Variants in HDAC9 observed in about 807,000 individuals in gnomAD.
HDAC9 encodes the protein histone deacetylase 9.
In HDAC9, 41 loss-of-function variants were observed where a neutral mutation model predicts 139.4. The observed-to-expected ratio is 0.29, with a 90% confidence interval of 0.23 to 0.38. The LOEUF is 0.38. Ranked by LOEUF, HDAC9 falls within the 10% of genes least tolerant of loss-of-function variation. The pLI is 1.00. For synonymous variants in HDAC9, 517 were observed against 476.2 expected, an observed-to-expected ratio of 1.09 and a Z score of -1.12; for missense variants, 1,147 against 1,297.0, an observed-to-expected ratio of 0.88 and a Z score of 1.78.
At chr7:18,782,355 A>G (rs1791316636) in intron 16 of HDAC9, among the ~76,000 whole-genome samples, 1 of 152,142 alleles carries the variant, frequency 6.6e-6, no homozygotes, top group South Asian at 2.1e-4. Flanking sequence ...TAGATTATAC[A>G]AAGGAGACTG....
intron 6 of HDAC9, among the ~76,000 whole-genome samples, chr7:18,598,769 T>A (rs1181291592): frequency 6.6e-6 from 1 of 152,206 alleles, no homozygotes; most frequent in Non-Finnish European, 1.5e-5. Flanking sequence ...ACCAAACTAA[T>A]AAAAAGGTGA....
At position 18,665,242 on chromosome 7, in the gene HDAC9, G is replaced by A. The variant is rs113427539; in HGVS notation, c.1468-971G>A. Among the ~76,000 whole-genome samples, 40 of 152,218 alleles carry A rather than the reference G, an allele frequency of 2.6e-4. 2 individuals are homozygous for A. Among genetic ancestry groups the A allele is most frequent in the African/African-American group, 9.6e-4 (40 of 41,544 alleles). On this transcript the variant is annotated intron_variant, in intron 11 of 25. Coordinates refer to ENST00000686413, the MANE Select transcript of HDAC9 (RefSeq NM_178425.4). ...CAATAATTGGCATGTTGCTTACATA[G>A]GCACTGACTTAGCAGAAAACTTAGC... is the stretch of plus-strand genomic sequence containing the variant.
rs539565137 is a variant in HDAC9 at position 18,751,205 on chromosome 7, C to T, written c.2043+2067C>T. Among the ~76,000 whole-genome samples the T allele has an allele frequency of 8.5e-5, 13 of 152,084 alleles. No homozygotes were observed. In the South Asian group the frequency reaches 1.5e-3, roughly 17 times the overall value. On this transcript the variant is annotated intron_variant, in intron 14 of 25. Transcript: ENST00000686413. Reference sequence around the variant, plus strand: ...ACAATTCAGTTTGTATAGCACTAACCGACGTAATATCAAACACAAGTTGAG... The same window carrying T: ...ACAATTCAGTTTGTATAGCACTAACTGACGTAATATCAAACACAAGTTGAG...
At position 18,998,677 on chromosome 7, in the gene HDAC9, C is replaced by T. The variant is rs1456776186; in HGVS notation, c.*2615C>T. 2.0e-5 allele frequency: 3 copies of T among 152,084 alleles called. No individual in the cohort carries two copies. The highest frequency in any genetic ancestry group is 2.4e-5 in the African/African-American group (1 of 41,428). The allele number at this position is 152,084 out of a possible 1,614,324, so 9.4% of individuals were successfully genotyped here. On this transcript the variant is annotated 3_prime_UTR_variant, in exon 26 of 26. Coordinates refer to ENST00000686413, the MANE Select transcript of HDAC9 (RefSeq NM_178425.4). ...TTGGTATAGTTTTTCTTCACTTACC[C>T]GTTTAAATTTTATTGCTCGCAGTTG...
At chr7:18,471,828 T>C (rs1290869460) in intron 1 of HDAC9, among the ~76,000 whole-genome samples, 2 of 152,274 alleles carry the variant, frequency 1.3e-5, no homozygotes, top group African/African-American at 2.4e-5. Context: ...CAGAGATTAC[T>C]ACCAGAAGGA....
intron 1 of HDAC9, among the ~76,000 whole-genome samples, chr7:18,399,303 A>C (rs1008143799): frequency 6.6e-6 from 1 of 152,134 alleles, no homozygotes; most frequent in Non-Finnish European, 1.5e-5. Flanking sequence ...TCTGTACCAG[A>C]TTTACAAGGG....
At chr7:18,956,583 G>A (rs553651228) in intron 24 of HDAC9, among the ~76,000 whole-genome samples, 1 of 152,230 alleles carries the variant, frequency 6.6e-6, no homozygotes, top group African/African-American at 2.4e-5. Flanking sequence ...TCCTCCTTCT[G>A]AGTCAAGGAT....
chr7:18,492,520 C>CT (rs1413500802), upstream of HDAC9, among the ~76,000 whole-genome samples: 1 of 151,724 alleles, frequency 6.6e-6, no homozygotes, highest in Non-Finnish European at 1.5e-5. Context: ...GCCCTTGTTA[C>CT]TTTTTTTACC....
chr7:18,166,178 C>T (rs1788001750), intron 2 of HDAC9, among the ~76,000 whole-genome samples: 1 of 152,128 alleles, frequency 6.6e-6, no homozygotes, highest in Admixed American at 6.6e-5. Context: ...GTGCCTGTTG[C>T]CCTTAGAATT....
In HDAC9 at chr7:18,210,713, C is replaced by T. The variant is rs192751028; in HGVS notation, c.25+48364C>T. 3.3e-3 allele frequency among the ~76,000 whole-genome samples: 499 copies of T among 152,236 alleles called. 1 individual carries two copies. The highest frequency in any genetic ancestry group is 5.8e-3 in the Non-Finnish European group (394 of 68,002). On this transcript the variant is annotated intron_variant, in intron 2 of 12. Coordinates refer to the HDAC9 transcript ENST00000417496. ...AGGTAGGATATTAGATAGAAATTCT[C>T]TTTTCTACTTCTAGATTTGGACATG... is the stretch of plus-strand genomic sequence containing the variant.
chr7:18,687,747 G>A (rs1237979471), intron 12 of HDAC9, among the ~76,000 whole-genome samples: 1 of 151,874 alleles, frequency 6.6e-6, no homozygotes, highest in Non-Finnish European at 1.5e-5. Flanking sequence ...GGGAAGAAGA[G>A]GGAAAGCTGT....
chr7:18,990,054 C>T (rs1301346287), intron 25 of HDAC9, among the ~76,000 whole-genome samples: 5 of 152,156 alleles, frequency 3.3e-5, no homozygotes, highest in African/African-American at 9.7e-5. Context: ...TCTCTCAGCT[C>T]ATCAAAGTCA....
At chr7:18,865,664 C>G (rs1380112427) in intron 21 of HDAC9, among the ~76,000 whole-genome samples, 1 of 152,136 alleles carries the variant, frequency 6.6e-6, no homozygotes, top group Non-Finnish European at 1.5e-5. Flanking sequence ...ACAACAGCTG[C>G]CTGGAATCTG....
At chr7:18,523,967 G>A (rs978083973) in intron 2 of HDAC9, among the ~76,000 whole-genome samples, 9 of 148,552 alleles carry the variant, frequency 6.1e-5, no homozygotes, top group African/African-American at 2.5e-5. Flanking sequence ...CAGAATAAGC[G>A]TGGAGCTTGG....
chr7:18,396,269 A>G (rs1376805102), intron 1 of HDAC9, among the ~76,000 whole-genome samples: 1 of 152,124 alleles, frequency 6.6e-6, no homozygotes, highest in African/African-American at 2.4e-5. Context: ...CTCCCCACTC[A>G]TACAGAATTT....
At chr7:18,373,463 A>G (rs753556389) in intron 1 of HDAC9, among the ~76,000 whole-genome samples, 1 of 152,204 alleles carries the variant, frequency 6.6e-6, no homozygotes, top group Non-Finnish European at 1.5e-5. Context: ...ATACAAAAAG[A>G]TGTATATTTG....
chr7:18,245,341 C>T (rs1468004963), intron 2 of HDAC9, among the ~76,000 whole-genome samples: 1 of 152,166 alleles, frequency 6.6e-6, no homozygotes, highest in South Asian at 2.1e-4. Flanking sequence ...AATTGCAACC[C>T]CTGACTTTTC....
chr7:18,436,776 A>G (rs1791241648), intron 1 of HDAC9, among the ~76,000 whole-genome samples: 1 of 152,194 alleles, frequency 6.6e-6, no homozygotes, highest in African/African-American at 2.4e-5. Context: ...TGAAATGTAG[A>G]TGGTGGTTCA....
chr7:18,156,085 C>A (rs984947041), intron 1 of HDAC9, among the ~76,000 whole-genome samples: 1 of 152,110 alleles, frequency 6.6e-6, no homozygotes, highest in African/African-American at 2.4e-5. Context: ...TGAAGGGAAA[C>A]GAGTATCCTT....
Sources: gnomAD v4.1 joint callset for allele counts (sites outside exome capture counted in the v4.1 genomes callset) on GRCh38, gnomAD v4.1.1 for gene constraint, MANE v1.5 for transcripts, NCBI Gene and HGNC (gene_info 2026-07-23, HGNC 2026-07-21) for gene names.